Variants in LRIG3 observed in about 807,000 individuals in gnomAD.
LRIG3 encodes leucine-rich repeats and immunoglobulin-like domains protein 3.
Under a neutral mutation model 114.5 loss-of-function variants are expected in LRIG3, and 76 were observed. The ratio of observed to expected loss-of-function variants is 0.66; its 90% confidence interval spans 0.55 to 0.80. LRIG3 has a LOEUF of 0.80. LRIG3 is among the 30% of genes least tolerant of loss of function. The pLI is 0.00. For synonymous variants in LRIG3, 512 were observed against 519.8 expected, an observed-to-expected ratio of 0.98 and a Z score of 0.20; for missense variants, 1,239 against 1,382.8, an observed-to-expected ratio of 0.90 and a Z score of 1.65.
intron 3 of LRIG3, among the ~76,000 whole-genome samples, chr12:58,899,273 G>GTA (rs1316820767): frequency 4.7e-4 from 72 of 152,332 alleles, no homozygotes; most frequent in Non-Finnish European, 1.5e-4. Context: ...ATCTAGAAAT[G>GTA]TATATTCCTC....
At chr12:58,907,944 T>C (rs1003731614) in intron 3 of LRIG3, among the ~76,000 whole-genome samples, 1 of 152,216 alleles carries the variant, frequency 6.6e-6, no homozygotes, top group Admixed American at 6.5e-5. Context: ...AGACTACACA[T>C]GCTGTGCTTG....
chr12:58,894,464 G>A (rs1389712126), intron 3 of LRIG3, among the ~76,000 whole-genome samples: 1 of 151,756 alleles, frequency 6.6e-6, no homozygotes, highest in East Asian at 1.9e-4. Flanking sequence ...ATAATAAAGG[G>A]GGCTAAAAAT....
At chr12:58,911,930 T>C (rs953774783) in intron 3 of LRIG3, among the ~76,000 whole-genome samples, 2 of 152,216 alleles carry the variant, frequency 1.3e-5, no homozygotes, top group African/African-American at 4.8e-5. Flanking sequence ...ATCAGGCCCA[T>C]GATATAAATT....
At chr12:58,892,967 C>T (rs896284922) in intron 3 of LRIG3, among the ~76,000 whole-genome samples, 4 of 152,172 alleles carry the variant, frequency 2.6e-5, no homozygotes, top group African/African-American at 9.7e-5. Flanking sequence ...TGCAAAAATG[C>T]TGAACTTCTG....
intron 8 of LRIG3, 179 bp from the exon 9 acceptor site, chr12:58,887,069 TCAA>T (rs1871301001): frequency 1.9e-6 from 1 of 526,630 alleles, no homozygotes; most frequent in South Asian, 2.9e-5. Context: ...CCTGATTCCC[TCAA>T]CAACATTTTA....
chr12:58,899,658 C>T (rs1385015452), intron 3 of LRIG3, among the ~76,000 whole-genome samples: 1 of 152,068 alleles, frequency 6.6e-6, no homozygotes, highest in Admixed American at 6.6e-5. Context: ...CTCTGATTCT[C>T]ATTTCTCATT....
rs1022472010 is a variant in LRIG3, at chr12:58,900,604, G to GA, written c.384-9809dup. On this transcript the variant is annotated intron_variant, in intron 3 of 18. Coordinates refer to ENST00000320743, the MANE Select transcript of LRIG3 (RefSeq NM_153377.5). The stretch of plus-strand genomic sequence containing the variant: ...TTAAGTTACTATAGTCTGTTTTACT[G>GA]AAAAAAAATTCAGCTTAGATTTGTG... Among the ~76,000 whole-genome samples the GA allele has an allele frequency of 2.2e-4, 34 of 151,844 alleles. No homozygotes were observed. In the East Asian group the frequency reaches 2.7e-3, roughly 12 times the overall value.
At chr12:58,887,496 A>C (rs1222698345) in intron 8 of LRIG3, among the ~76,000 whole-genome samples, 2 of 151,832 alleles carry the variant, frequency 1.3e-5, no homozygotes, top group African/African-American at 4.9e-5. Flanking sequence ...ACAAAGAAAA[A>C]CTTAGTGGAC....
chr12:58,913,904 C>A, intron 3 of LRIG3, 78 bp downstream of exon 3: 1 of 1,240,486 alleles, frequency 8.1e-7, no homozygotes, highest in Admixed American at 2.1e-5. Context: ...CTTCTAAGAT[C>A]TCTATGCTAG....
chr12:58,919,329 G>C (rs1872586992), intron 1 of LRIG3: 2 of 1,506,664 alleles, frequency 1.3e-6, no homozygotes, highest in East Asian at 2.5e-5. Context: ...GTTCTGAGGA[G>C]CTACAGAAAT....
chr12:58,902,378 T>C (rs538796054), intron 3 of LRIG3, among the ~76,000 whole-genome samples: 4 of 152,292 alleles, frequency 2.6e-5, no homozygotes, highest in Admixed American at 2.6e-4. Flanking sequence ...GAATGTCTAC[T>C]ATGTTTATCC....
chr12:58,876,627 A>G, intron 15 of LRIG3, 24 bp from the exon 16 acceptor site: 1 of 1,613,506 alleles, frequency 6.2e-7, no homozygotes, highest in Non-Finnish European at 8.5e-7. Context: ...GCAGCATTTT[A>G]TTAACCAAGG....
At chr12:58,876,390 C>T (rs1680189324) in intron 16 of LRIG3, 55 bp downstream of exon 16, 1 of 1,571,650 alleles carries the variant, frequency 6.4e-7, no homozygotes, top group Admixed American at 1.7e-5. Context: ...ATATCTGAGC[C>T]TTCCACCATA....
At chr12:58,881,744 T>G (rs182688320) in intron 12 of LRIG3, among the ~76,000 whole-genome samples, 10 of 152,266 alleles carry the variant, frequency 6.6e-5, no homozygotes, top group Admixed American at 5.2e-4. Flanking sequence ...ATTGAATGGG[T>G]TATAGGGGAT....
At position 58,886,806 on chromosome 12, in the gene LRIG3, TCA is replaced by T. The variant is rs1871290084; in HGVS notation, c.1172+2_1172+3del. 1.2e-6 allele frequency: 2 copies of T among 1,612,984 alleles called. No homozygotes were observed. Among genetic ancestry groups the T allele is most frequent in the African/African-American group, 1.3e-5 (1 of 74,978 alleles). ...AGCTAAATTATGAGGCAATTCATAC[TCA>T]CAGTCGCCTCAGTTTGTCAAGCCCA... is the stretch of plus-strand genomic sequence containing the variant. On this transcript the variant is annotated splice_donor_variant and splice_donor_region_variant and intron_variant, in intron 9 of 18. Transcript: ENST00000320743. LOFTEE classifies it high-confidence loss of function.
At chr12:58,898,786 G>C (rs887527181) in intron 3 of LRIG3, among the ~76,000 whole-genome samples, 3 of 152,072 alleles carry the variant, frequency 2.0e-5, no homozygotes, top group African/African-American at 7.2e-5. Context: ...AGCCTCCCGA[G>C]TAGCTGGGAT....
chr12:58,883,225 C>CA (rs1871174338), intron 11 of LRIG3, among the ~76,000 whole-genome samples, 193 bp from the exon 12 acceptor site: 2 of 152,100 alleles, frequency 1.3e-5, no homozygotes, highest in South Asian at 2.1e-4. Flanking sequence ...TTCTTACTGT[C>CA]CTACTGAGAC....
chr12:58,873,706 G>A (rs943327042), intron 18 of LRIG3: 3 of 326,002 alleles, frequency 9.2e-6, no homozygotes, highest in Non-Finnish European at 1.1e-5. Context: ...ATCATGCAGA[G>A]CACACAACTC....
chr12:58,880,373 C>T (rs980103056), intron 13 of LRIG3: 33 of 692,186 alleles, frequency 4.8e-5, no homozygotes, highest in Non-Finnish European at 7.9e-5. Context: ...ACTCACCACA[C>T]TGAGTACGGT....
Sources: allele counts gnomAD v4.1 joint callset (sites outside exome capture counted in the v4.1 genomes callset), GRCh38; gene constraint gnomAD v4.1.1; transcripts MANE v1.5; gene names NCBI Gene and HGNC (gene_info 2026-07-23, HGNC 2026-07-21).